Variants in PDE10A observed in about 807,000 individuals in gnomAD.
PDE10A encodes phosphodiesterase 10A.
In PDE10A, 39 loss-of-function variants were observed where a neutral mutation model predicts 97.7. The observed-to-expected ratio is 0.40, with a 90% CI of 0.31 to 0.52. PDE10A has a LOEUF of 0.52. PDE10A is among the 20% of genes least tolerant of loss of function. The pLI is 0.56. For synonymous variants in PDE10A, 371 were observed against 376.8 expected, an observed-to-expected ratio of 0.98 and a Z score of 0.18; for missense variants, 731 against 1,047.8, an observed-to-expected ratio of 0.70 and a Z score of 4.17.
At chr6:165,757,879 C>A (rs904930690) in intron 1 of PDE10A, among the ~76,000 whole-genome samples, 1 of 152,082 alleles carries the variant, frequency 6.6e-6, no homozygotes, top group African/African-American at 2.4e-5. Context: ...GACAACTTTA[C>A]AAAGTTGATT....
intron 1 of PDE10A, among the ~76,000 whole-genome samples, chr6:165,834,869 G>A (rs962134861): frequency 3.3e-5 from 5 of 152,238 alleles, no homozygotes; most frequent in Non-Finnish European, 7.3e-5. Context: ...AAACTCCTAC[G>A]GCAGAGCTGG....
chr6:165,801,597 G>T (rs1007967335), intron 1 of PDE10A, among the ~76,000 whole-genome samples: 6 of 152,178 alleles, frequency 3.9e-5, no homozygotes, highest in Admixed American at 3.9e-4. Flanking sequence ...TAACGGACTT[G>T]CTGAATTATT....
intron 1 of PDE10A, among the ~76,000 whole-genome samples, chr6:165,712,151 A>G (rs540909303): frequency 2.0e-5 from 3 of 152,180 alleles, no homozygotes; most frequent in African/African-American, 7.2e-5. Context: ...GAGGAGGAAA[A>G]GGGTTCTACG....
At chr6:165,561,737 G>GT (rs1476822699) in intron 1 of PDE10A, among the ~76,000 whole-genome samples, 1 of 152,154 alleles carries the variant, frequency 6.6e-6, no homozygotes, top group African/African-American at 2.4e-5. Context: ...AGAGCAGATA[G>GT]TTTTCTCCCA....
intron 13 of PDE10A, among the ~76,000 whole-genome samples, chr6:165,406,210 T>A (rs972785733): frequency 9.0e-6 from 1 of 111,120 alleles, no homozygotes; most frequent in African/African-American, 3.6e-5. Context: ...GTATTCAAAT[T>A]CAAGATGAGG....
intron 1 of PDE10A, among the ~76,000 whole-genome samples, chr6:165,951,121 G>A (rs1004254943): frequency 4.6e-5 from 7 of 152,180 alleles, no homozygotes; most frequent in Non-Finnish European, 7.3e-5. Flanking sequence ...AAGCCACACT[G>A]TTTAGGGATG....
At chr6:165,849,214 C>G (rs893830566) in intron 1 of PDE10A, among the ~76,000 whole-genome samples, 5 of 122,342 alleles carry the variant, frequency 4.1e-5, no homozygotes, top group Non-Finnish European at 8.9e-5. Context: ...ACACAGGATG[C>G]CTTTAGACAT....
chr6:165,844,973 G>A (rs1374765273), intron 1 of PDE10A, among the ~76,000 whole-genome samples: 1 of 152,266 alleles, frequency 6.6e-6, no homozygotes, highest in East Asian at 1.9e-4. Context: ...TATATTCTCA[G>A]CTTTGTATTT....
At chr6:165,781,421 C>G (rs74893125) in intron 1 of PDE10A, 8,280 of 152,352 alleles carry the variant, frequency 0.054, 687 homozygotes, top group African/African-American at 0.18. Context: ...TGTTCTCCAT[C>G]CAGGGATTTA....
At chr6:165,888,554 G>T (rs542055281) in intron 1 of PDE10A, among the ~76,000 whole-genome samples, 482 of 152,294 alleles carry the variant, frequency 3.2e-3, no homozygotes, top group Middle Eastern at 6.8e-3. Context: ...AAAGTGCTGA[G>T]ATTACAGGCG....
intron 1 of PDE10A, among the ~76,000 whole-genome samples, chr6:165,590,507 G>T (rs1197932579): frequency 6.6e-6 from 1 of 152,172 alleles, no homozygotes; most frequent in Non-Finnish European, 1.5e-5. Flanking sequence ...CACCTTTTGA[G>T]TGCTTATTAT....
chr6:165,678,995 CATTG>C (rs1790901303), intron 1 of PDE10A, among the ~76,000 whole-genome samples: 1 of 152,154 alleles, frequency 6.6e-6, no homozygotes, highest in Non-Finnish European at 1.5e-5. Context: ...AAAATCATCC[CATTG>C]ATTTAATTCA....
At chr6:165,854,702 G>A (rs1364960097) in intron 1 of PDE10A, among the ~76,000 whole-genome samples, 1 of 152,178 alleles carries the variant, frequency 6.6e-6, no homozygotes, top group Non-Finnish European at 1.5e-5. Context: ...AGCCGAGCCC[G>A]CAGAAGCCCC....
intron 1 of PDE10A, among the ~76,000 whole-genome samples, chr6:165,581,174 T>A (rs1785596951): frequency 6.6e-6 from 1 of 152,242 alleles, no homozygotes; most frequent in Admixed American, 6.5e-5. Context: ...TTAATTTAAA[T>A]CTTTCCTTTC....
intron 1 of PDE10A, among the ~76,000 whole-genome samples, chr6:165,702,214 C>A (rs1791597816): frequency 6.6e-6 from 1 of 152,226 alleles, no homozygotes; most frequent in Non-Finnish European, 1.5e-5. Flanking sequence ...CTGCAAAGAA[C>A]TACAAAAGAA....
At chr6:165,618,545 C>G (rs1034772583) in intron 1 of PDE10A, among the ~76,000 whole-genome samples, 19 of 152,312 alleles carry the variant, frequency 1.2e-4, no homozygotes, top group African/African-American at 4.6e-4. Context: ...ACAATGGTCA[C>G]CATCCAGGAG....
intron 1 of PDE10A, among the ~76,000 whole-genome samples, chr6:165,606,809 G>A (rs1056780954): frequency 6.6e-6 from 1 of 152,062 alleles, no homozygotes; most frequent in Non-Finnish European, 1.5e-5. Flanking sequence ...CATGGAGTGC[G>A]TGCAGTGCGT....
chr6:165,570,016 T>A (rs1293607064), intron 1 of PDE10A, among the ~76,000 whole-genome samples: 1 of 152,180 alleles, frequency 6.6e-6, no homozygotes, highest in Non-Finnish European at 1.5e-5. Context: ...TGTTATGGAC[T>A]AAATTGTGTT....
intron 1 of PDE10A, among the ~76,000 whole-genome samples, chr6:165,559,753 T>C (rs1784432674): frequency 1.3e-5 from 2 of 152,198 alleles, no homozygotes; most frequent in South Asian, 4.1e-4. Flanking sequence ...TGGTGGGAGA[T>C]AACTGAATCT....
Sources: gnomAD v4.1 joint callset for allele counts (sites outside exome capture counted in the v4.1 genomes callset) on GRCh38, gnomAD v4.1.1 for gene constraint, MANE v1.5 for transcripts, NCBI Gene and HGNC (gene_info 2026-07-23, HGNC 2026-07-21) for gene names.